The following ASAP1 variants were observed in gnomAD, a reference collection of about 807,000 sequenced individuals.
ASAP1 encodes the protein ArfGAP with SH3 domain, ankyrin repeat and PH domain 1.
In ASAP1, 43 loss-of-function variants were observed where a neutral mutation model predicts 145.2. The ratio of observed to expected loss-of-function variants is 0.30; its 90% CI spans 0.23 to 0.38. ASAP1 has a LOEUF of 0.38. Ranked by LOEUF, ASAP1 falls within the 10% of genes least tolerant of loss-of-function variation. ASAP1 has a pLI of 1.00. For missense variants in ASAP1, 1,018 were observed against 1,355.3 expected (o/e 0.75, Z 3.91); for synonymous variants, 546 against 515.5 (o/e 1.06, Z -0.80).
intron 2 of ASAP1, among the ~76,000 whole-genome samples, chr8:130,374,284 A>G (rs1827372572): frequency 6.6e-6 from 1 of 152,258 alleles, no homozygotes. Flanking sequence ...CTTTCAATCC[A>G]AAGAACTGAG....
chr8:130,070,531 C>G (rs2097440871), intron 27 of ASAP1, among the ~76,000 whole-genome samples: 1 of 152,008 alleles, frequency 6.6e-6, no homozygotes, highest in African/African-American at 2.4e-5. Flanking sequence ...CTTGATAACC[C>G]CCTGTGGAGC....
At chr8:130,296,174 T>G (rs999422894) in intron 3 of ASAP1, among the ~76,000 whole-genome samples, 4 of 152,348 alleles carry the variant, frequency 2.6e-5, no homozygotes, top group Non-Finnish European at 5.9e-5. Flanking sequence ...ACCTTCCTTA[T>G]GAGTCTTGCT....
At chr8:130,305,510 C>T (rs757627513) in intron 3 of ASAP1, among the ~76,000 whole-genome samples, 11 of 151,950 alleles carry the variant, frequency 7.2e-5, no homozygotes, top group Non-Finnish European at 1.5e-4. Context: ...ATTACAGGCG[C>T]CCACCACCAT....
intron 15 of ASAP1, among the ~76,000 whole-genome samples, chr8:130,133,467 T>A (rs892052670): frequency 6.6e-6 from 1 of 151,036 alleles, no homozygotes; most frequent in East Asian, 1.9e-4. Context: ...CCATCCTGGC[T>A]AACAAGGTGA....
At chr8:130,402,637 T>A (rs1167403423) in intron 1 of ASAP1, among the ~76,000 whole-genome samples, 1 of 152,190 alleles carries the variant, frequency 6.6e-6, no homozygotes, top group African/African-American at 2.4e-5. Context: ...CAGTGATTCC[T>A]AGCTCAATGT....
In ASAP1 at chr8:130,072,830, C is replaced by CGCGCGCGCGCGCGCGCG. The variant is rs1448184178; in HGVS notation, c.2701+3517_2701+3518insCGCGCGCGCGCGCGCGC. Among the ~76,000 whole-genome samples, 30 of 31,920 alleles carry CGCGCGCGCGCGCGCGCG rather than the reference C, an allele frequency of 9.4e-4. 1 individual carries two copies. Among genetic ancestry groups the CGCGCGCGCGCGCGCGCG allele is most frequent in the African/African-American group, 2.0e-3 (10 of 4,908 alleles). The allele number at this position is 31,920 out of a possible 152,430, so 20.9% of individuals were successfully genotyped here. A position where few individuals can be genotyped will look rare whatever the true frequency, so the allele number is the denominator to read the frequency against. On this transcript the variant is annotated intron_variant, in intron 27 of 29. Transcript: ENST00000518721. ...GTGTGTGTGTGTGTGTGTGTGCGCGCGGGGGGGGGCAGTTTTGGGGACTGA... is the reference window on the plus strand; with the variant it reads ...GTGTGTGTGTGTGTGTGTGTGCGCGCGCGCGCGCGCGCGCGCGGGGGGGGGGCAGTTTTGGGGACTGA...
intron 3 of ASAP1, among the ~76,000 whole-genome samples, chr8:130,295,351 TC>T (rs1822202620): frequency 6.6e-6 from 1 of 152,052 alleles, no homozygotes; most frequent in Non-Finnish European, 1.5e-5. Flanking sequence ...TTTTTTTTTT[TC>T]TTCAAAGACT....
chr8:130,437,663 A>G (rs1830360456), intron 1 of ASAP1, among the ~76,000 whole-genome samples: 1 of 151,862 alleles, frequency 6.6e-6, no homozygotes, highest in East Asian at 1.9e-4. Flanking sequence ...TACACACAGG[A>G]CAAGTTTTTA....
chr8:130,235,338 A>C (rs1452217558), intron 4 of ASAP1, among the ~76,000 whole-genome samples: 2 of 152,168 alleles, frequency 1.3e-5, no homozygotes, highest in African/African-American at 4.8e-5. Flanking sequence ...TACCTACAGA[A>C]AAGTACATAA....
At chr8:130,083,148 G>A (rs942850305) in intron 25 of ASAP1, 2 of 152,208 alleles carry the variant, frequency 1.3e-5, no homozygotes, top group Non-Finnish European at 2.9e-5. Context: ...TCACACAGAC[G>A]AGTCATCATG....
chr8:130,123,037 T>C (rs2097569082), intron 18 of ASAP1, among the ~76,000 whole-genome samples: 1 of 152,258 alleles, frequency 6.6e-6, no homozygotes, highest in Non-Finnish European at 1.5e-5. Flanking sequence ...AAATTAACTT[T>C]TGAAAAGCCT....
chr8:130,368,974 TCA>T (rs1161648413), intron 2 of ASAP1, among the ~76,000 whole-genome samples: 1 of 152,194 alleles, frequency 6.6e-6, no homozygotes, highest in African/African-American at 2.4e-5. Context: ...AGTACCATCT[TCA>T]CAGTTACTAG....
chr8:130,354,345 T>C (rs1826178293), intron 3 of ASAP1, among the ~76,000 whole-genome samples: 1 of 152,222 alleles, frequency 6.6e-6, no homozygotes, highest in South Asian at 2.1e-4. Flanking sequence ...ATGTAAGCAT[T>C]CATGCCATGT....
intron 2 of ASAP1, among the ~76,000 whole-genome samples, chr8:130,369,707 A>T (rs1269345156): frequency 1.3e-5 from 2 of 152,234 alleles, no homozygotes; most frequent in African/African-American, 4.8e-5. Flanking sequence ...TGTAATAAAA[A>T]AGATGGAAAT....
chr8:130,099,838 C>A (rs578158231), intron 24 of ASAP1, among the ~76,000 whole-genome samples: 164 of 151,934 alleles, frequency 1.1e-3, no homozygotes, highest in African/African-American at 3.9e-3. Flanking sequence ...TGTGCCCAGC[C>A]TATAGGATTT....
intron 27 of ASAP1, among the ~76,000 whole-genome samples, chr8:130,070,181 C>T (rs1387309288): frequency 1.3e-5 from 2 of 152,172 alleles, no homozygotes; most frequent in South Asian, 2.1e-4. Flanking sequence ...GGACTACAGG[C>T]GCCCGTCACC....
intron 24 of ASAP1, among the ~76,000 whole-genome samples, chr8:130,102,031 T>C (rs2097529684): frequency 6.6e-6 from 1 of 152,286 alleles, no homozygotes; most frequent in African/African-American, 2.4e-5. Flanking sequence ...GAAGATCATG[T>C]CATCTGAAAA....
At position 130,070,039 on chromosome 8, in the gene ASAP1, C is replaced by CT. The variant is rs906972146; in HGVS notation, c.2701+6308dup. 6.4e-4 allele frequency among the ~76,000 whole-genome samples: 97 copies of CT among 151,648 alleles called. No individual in the cohort carries two copies. In the South Asian group the frequency reaches 0.018, roughly 28 times the overall value. ...CACTTCATGTGAATTGACTGCATCT[C>CT]TTTTTTTTTGTTTTTGAGACGGAGT... On this transcript the variant is annotated intron_variant, in intron 27 of 29. Coordinates refer to ENST00000518721, the MANE Select transcript of ASAP1 (RefSeq NM_018482.4).
intron 3 of ASAP1, among the ~76,000 whole-genome samples, chr8:130,304,977 C>A (rs182168718): frequency 6.6e-6 from 1 of 151,954 alleles, no homozygotes; most frequent in East Asian, 1.9e-4. Context: ...CCTTTCCAAC[C>A]TCTTCTTCCT....
Sources: gnomAD v4.1 joint callset for allele counts (sites outside exome capture counted in the v4.1 genomes callset) on GRCh38, gnomAD v4.1.1 for gene constraint, MANE v1.5 for transcripts, NCBI Gene and HGNC (gene_info 2026-07-23, HGNC 2026-07-21) for gene names.